The following XKR6 variants were observed in gnomAD, a reference collection of about 807,000 sequenced individuals.
XKR6 encodes XK related 6.
A neutral mutation model predicts 56.7 loss-of-function variants in XKR6; 22 were observed. The ratio of observed to expected loss-of-function variants is 0.39; its 90% CI spans 0.28 to 0.55. The LOEUF (loss-of-function observed/expected upper bound fraction) is 0.55. Among genes scored for constraint, XKR6 ranks in the 20% least tolerant of loss-of-function variants. XKR6 has a pLI of 0.66. For synonymous variants in XKR6, 524 were observed against 387.8 expected, an observed-to-expected ratio of 1.35 and a Z score of -4.13; for missense variants, 852 against 889.0, an observed-to-expected ratio of 0.96 and a Z score of 0.53.
At chr8:11,114,138 A>C (rs1487907515) in intron 1 of XKR6, 5 of 414,066 alleles carry the variant, frequency 1.2e-5, no homozygotes, top group African/African-American at 2.1e-5. Context: ...CATGGAATGA[A>C]ATCTCTAACA....
intron 1 of XKR6, among the ~76,000 whole-genome samples, chr8:11,059,614 T>TGGGGGCGCG (rs1020135175): frequency 3.4e-5 from 5 of 146,860 alleles, no homozygotes; most frequent in Admixed American, 2.7e-4. Context: ...AGCAGGGCGC[T>TGGGGGCGCG]GGGGGCGCGG....
intron 1 of XKR6, among the ~76,000 whole-genome samples, chr8:11,140,968 C>T (rs954004262): frequency 6.6e-6 from 1 of 151,284 alleles, no homozygotes; most frequent in Non-Finnish European, 1.5e-5. Context: ...AACATCACTC[C>T]AAAGACATAT....
At position 11,111,008 on chromosome 8, in the gene XKR6, ATTTTTTTTTTTTT is replaced by A. The variant is rs58233543; in HGVS notation, c.764+89555_764+89567del. On this transcript the variant is annotated intron_variant, in intron 1 of 2. Transcript: ENST00000416569. ...CCTGCCACCACGCCTGGCTTTTTCT[ATTTTTTTTTTTTT>A]TTTTTTTTTTTTTTAGTAGAGACAG... is the stretch of plus-strand genomic sequence containing the variant. Among the ~76,000 whole-genome samples the A allele has an allele frequency of 8.5e-4, 97 of 114,190 alleles. 1 individual carries two copies. Among genetic ancestry groups the A allele is most frequent in the African/African-American group, 1.6e-3 (52 of 32,412 alleles). The allele number at this position is 114,190 out of a possible 152,430, so 74.9% of individuals were successfully genotyped here. A position where few individuals can be genotyped will look rare whatever the true frequency, so the allele number is the denominator to read the frequency against.
chr8:10,984,732 C>CTCTCTCTCTCTCTCTCTCTATATATATA, intron 1 of XKR6, among the ~76,000 whole-genome samples: 19 of 47,474 alleles, frequency 4.0e-4, no homozygotes, highest in Admixed American at 6.0e-4. Flanking sequence ...CTCTCTCTCT[C>CTCTCTCTCTCTCTCTCTCTATATATATA]TATATATATA....
At chr8:10,967,018 C>T (rs1586367088) in intron 1 of XKR6, among the ~76,000 whole-genome samples, 1 of 152,086 alleles carries the variant, frequency 6.6e-6, no homozygotes, top group Non-Finnish European at 1.5e-5. Context: ...AGCAGAGATA[C>T]CAGCATCTTC....
intron 1 of XKR6, among the ~76,000 whole-genome samples, chr8:11,199,084 C>T (rs959722420): frequency 3.9e-5 from 6 of 152,178 alleles, no homozygotes; most frequent in African/African-American, 1.4e-4. Flanking sequence ...CGGCATTTTC[C>T]TATTTTATTC....
chr8:11,076,273 C>A (rs1312547073), intron 1 of XKR6, among the ~76,000 whole-genome samples: 1 of 152,002 alleles, frequency 6.6e-6, no homozygotes, highest in African/African-American at 2.4e-5. Context: ...TTTTACACAG[C>A]GATAAAGTTC....
intron 1 of XKR6, among the ~76,000 whole-genome samples, chr8:10,974,759 A>T (rs555580280): frequency 6.6e-6 from 1 of 152,146 alleles, no homozygotes; most frequent in Non-Finnish European, 1.5e-5. Flanking sequence ...AAAGATGCCA[A>T]TGTGGCAAGT....
intron 2 of XKR6, among the ~76,000 whole-genome samples, chr8:10,909,117 G>A (rs1015046287): frequency 6.6e-6 from 1 of 151,652 alleles, no homozygotes; most frequent in African/African-American, 2.4e-5. Context: ...AGTGAGCTGA[G>A]ATTGCGCCAC....
intron 2 of XKR6, among the ~76,000 whole-genome samples, chr8:10,915,895 G>A (rs778495288): frequency 2.6e-5 from 4 of 152,256 alleles, no homozygotes; most frequent in African/African-American, 4.8e-5. Flanking sequence ...ATGAAGATGC[G>A]AGCCAGCCAG....
At chr8:11,181,278 A>G (rs1168636034) in intron 1 of XKR6, among the ~76,000 whole-genome samples, 3 of 152,232 alleles carry the variant, frequency 2.0e-5, no homozygotes, top group African/African-American at 7.2e-5. Context: ...ATGATATTTC[A>G]TAATGAAATT....
chr8:11,189,920 G>GC, intron 1 of XKR6, among the ~76,000 whole-genome samples: 1 of 152,290 alleles, frequency 6.6e-6, no homozygotes. Flanking sequence ...ACTTTGGGAG[G>GC]CCAAGGAGGG....
At chr8:11,035,624 T>C (rs1453359813) in intron 1 of XKR6, among the ~76,000 whole-genome samples, 1 of 152,204 alleles carries the variant, frequency 6.6e-6, no homozygotes, top group East Asian at 1.9e-4. Context: ...AGACCTGAAA[T>C]ATCCTGTTTT....
chr8:11,165,552 T>C (rs1243861585), intron 1 of XKR6, among the ~76,000 whole-genome samples: 1 of 152,198 alleles, frequency 6.6e-6, no homozygotes, highest in Non-Finnish European at 1.5e-5. Flanking sequence ...GGCATCGGCA[T>C]CCTTATTTGA....
At chr8:11,085,025 C>T (rs1797840891) in intron 1 of XKR6, among the ~76,000 whole-genome samples, 2 of 152,182 alleles carry the variant, frequency 1.3e-5, no homozygotes, top group African/African-American at 2.4e-5. Flanking sequence ...GTTTCCCACC[C>T]CCCAGCTCAT....
chr8:11,169,551 A>G (rs2117041153), intron 1 of XKR6, among the ~76,000 whole-genome samples: 1 of 152,254 alleles, frequency 6.6e-6, no homozygotes, highest in East Asian at 1.9e-4. Context: ...CAAATATCAT[A>G]CAATTCCACT....
At chr8:11,115,230 C>A (rs11250117) in intron 1 of XKR6, among the ~76,000 whole-genome samples, 81,217 of 152,098 alleles carry the variant, frequency 0.53, 25,551 homozygotes, top group African/African-American at 0.87. Flanking sequence ...TATGAAGCTT[C>A]TGTTTTCAAA....
chr8:10,991,866 T>A (rs879396199), intron 1 of XKR6, among the ~76,000 whole-genome samples: 1 of 152,228 alleles, frequency 6.6e-6, no homozygotes, highest in Non-Finnish European at 1.5e-5. Flanking sequence ...TTCTTCCCTG[T>A]TTTTGCTTCC....
intron 1 of XKR6, among the ~76,000 whole-genome samples, chr8:11,160,260 C>T (rs1801729526): frequency 6.6e-6 from 1 of 151,980 alleles, no homozygotes; most frequent in Non-Finnish European, 1.5e-5. Context: ...CTGTTGTTTG[C>T]TGCTAAAAAC....
Sources: gnomAD v4.1 joint callset for allele counts (sites outside exome capture counted in the v4.1 genomes callset) on GRCh38, gnomAD v4.1.1 for gene constraint, MANE v1.5 for transcripts, NCBI Gene and HGNC (gene_info 2026-07-23, HGNC 2026-07-21) for gene names.